The following PCDH15 variants were observed in gnomAD, a reference collection of about 807,000 sequenced individuals.
PCDH15 encodes protocadherin-15.
Under a neutral mutation model 178.5 loss-of-function variants are expected in PCDH15, and 129 were observed. That is an observed-to-expected ratio of 0.72 (90% CI 0.63 to 0.84). The LOEUF (loss-of-function observed/expected upper bound fraction) is 0.84, where lower values mean the gene tolerates loss of function less well. Ranked by LOEUF, PCDH15 falls within the 40% of genes least tolerant of loss-of-function variation. The pLI is 0.00. For missense variants in PCDH15, 2,230 were observed against 2,099.9 expected, an observed-to-expected ratio of 1.06 and a Z score of -1.21; for synonymous variants, 800 against 732.0, an observed-to-expected ratio of 1.09 and a Z score of -1.50.
chr10:55,286,022 G>A (rs1311758881), intron 1 of PCDH15, among the ~76,000 whole-genome samples: 4 of 151,838 alleles, frequency 2.6e-5, no homozygotes, highest in African/African-American at 9.7e-5. Context: ...AACAATAACA[G>A]CTGTGATGAT....
At chr10:54,964,401 T>A (rs1022236412) in intron 2 of PCDH15, among the ~76,000 whole-genome samples, 10 of 152,214 alleles carry the variant, frequency 6.6e-5, no homozygotes, top group African/African-American at 2.2e-4. Context: ...TCACTTTTCA[T>A]ATAATTATCC....
intron 25 of PCDH15, among the ~76,000 whole-genome samples, chr10:53,921,939 T>C (rs115738583): frequency 1.2e-3 from 183 of 152,326 alleles, no homozygotes; most frequent in African/African-American, 3.9e-3. Context: ...CAAAAGACAT[T>C]ATGAAATGTA....
chr10:54,706,854 C>A (rs529796046), intron 1 of PCDH15, among the ~76,000 whole-genome samples: 1 of 152,254 alleles, frequency 6.6e-6, no homozygotes, highest in African/African-American at 2.4e-5. Context: ...CACTCCTGAC[C>A]TTAGTGATCT....
chr10:55,272,837 T>TC (rs1284771093), intron 1 of PCDH15, among the ~76,000 whole-genome samples: 4 of 151,928 alleles, frequency 2.6e-5, no homozygotes. Flanking sequence ...CAATTCCTTC[T>TC]CCCCCCAGCC....
At chr10:54,713,097 A>G (rs755046640) in intron 1 of PCDH15, among the ~76,000 whole-genome samples, 11 of 152,054 alleles carry the variant, frequency 7.2e-5, no homozygotes, top group Non-Finnish European at 1.6e-4. Flanking sequence ...ACATTCCTTC[A>G]ATGCCTTGGC....
At position 54,132,840 on chromosome 10, in the gene PCDH15, TACAC is replaced by T. The variant is rs5785040; in HGVS notation, c.1917+31_1917+34del. ...GCCAAGCTTGTCACTTTAGAATTTATACACACACACACACACACACACCAAGGAA... is the reference window on the plus strand; with the variant it reads ...GCCAAGCTTGTCACTTTAGAATTTATACACACACACACACACACCAAGGAA... On this transcript the variant is annotated intron_variant, in intron 15 of 37. Transcript: ENST00000644397. 1.5e-5 allele frequency: 23 copies of T among 1,494,862 alleles called. No individual in the cohort carries two copies. The East Asian group carries it at 2.8e-4, about 18-fold the overall frequency. The allele number at this position is 1,494,862 out of a possible 1,614,324, so 92.6% of individuals were successfully genotyped here.
At chr10:54,913,399 G>A (rs529206539) in intron 2 of PCDH15, among the ~76,000 whole-genome samples, 8 of 152,190 alleles carry the variant, frequency 5.3e-5, no homozygotes, top group Non-Finnish European at 8.8e-5. Flanking sequence ...TGTGCAGAGG[G>A]CAAGACTTGA....
At chr10:54,218,334 T>C (rs1333460056) in intron 9 of PCDH15, among the ~76,000 whole-genome samples, 1 of 152,166 alleles carries the variant, frequency 6.6e-6, no homozygotes. Context: ...GAAGAATTAA[T>C]TCAACATCAT....
rs140296863 is a variant in PCDH15, at chr10:54,410,394, C to T, written c.158-31452G>A. 1.8e-3 allele frequency among the ~76,000 whole-genome samples: 281 copies of T among 152,164 alleles called. 2 individuals carry two copies. The highest frequency in any genetic ancestry group is 6.8e-3 in the Middle Eastern group (2 of 294). ...ATCATGGTTTTGAATTCAGCCATGG[C>T]TTTTAATTTATTTCTTTTAGACTTT... On this transcript the variant is annotated intron_variant, in intron 3 of 37. Coordinates refer to ENST00000644397, the MANE Select transcript of PCDH15 (RefSeq NM_001384140.1).
At chr10:54,770,859 T>C (rs888041610) in intron 1 of PCDH15, among the ~76,000 whole-genome samples, 3 of 151,968 alleles carry the variant, frequency 2.0e-5, no homozygotes, top group Non-Finnish European at 2.9e-5. Flanking sequence ...CCTTCCTGAG[T>C]TTTGATTGTT....
At chr10:55,058,075 T>C (rs1357566843) in intron 2 of PCDH15, among the ~76,000 whole-genome samples, 1 of 152,206 alleles carries the variant, frequency 6.6e-6, no homozygotes, top group Non-Finnish European at 1.5e-5. Flanking sequence ...AGTGTCTTAA[T>C]AATTATGAAA....
At chr10:55,460,737 T>C (rs545656132) in intron 2 of PCDH15, among the ~76,000 whole-genome samples, 1 of 152,274 alleles carries the variant, frequency 6.6e-6, no homozygotes, top group East Asian at 1.9e-4. Flanking sequence ...TTATGGGTCA[T>C]ATGTTCCTGC....
intron 7 of PCDH15, among the ~76,000 whole-genome samples, chr10:54,319,715 ATT>A (rs200357332): frequency 5.5e-4 from 83 of 149,552 alleles, no homozygotes; most frequent in African/African-American, 1.7e-3. Context: ...ACAGACCTGT[ATT>A]TTTTTTTTTT....
intron 10 of PCDH15, among the ~76,000 whole-genome samples, chr10:54,210,707 G>C (rs181065571): frequency 1.4e-3 from 215 of 152,010 alleles, no homozygotes; most frequent in African/African-American, 4.7e-3. Flanking sequence ...ACTGGAAGCG[G>C]TTTAGTATGT....
intron 21 of PCDH15, among the ~76,000 whole-genome samples, chr10:53,967,035 C>T (rs998939646): frequency 2.0e-5 from 3 of 152,014 alleles, no homozygotes; most frequent in Non-Finnish European, 4.4e-5. Context: ...TATGGTTTGG[C>T]TTTGTCTCCA....
chr10:55,045,550 G>T (rs1302739463), intron 2 of PCDH15, among the ~76,000 whole-genome samples: 1 of 152,038 alleles, frequency 6.6e-6, no homozygotes, highest in South Asian at 2.1e-4. Flanking sequence ...TGTTTCATAT[G>T]TTATTCTTGT....
intron 23 of PCDH15, among the ~76,000 whole-genome samples, chr10:53,947,021 C>A (rs892375167): frequency 6.6e-5 from 10 of 152,144 alleles, no homozygotes; most frequent in African/African-American, 2.4e-4. Flanking sequence ...CATGATCCAC[C>A]CATCTCGGCC....
At chr10:54,087,911 C>A (rs1027692588) in intron 16 of PCDH15, among the ~76,000 whole-genome samples, 1 of 152,092 alleles carries the variant, frequency 6.6e-6, no homozygotes, top group African/African-American at 2.4e-5. Flanking sequence ...TTTAAAAGTG[C>A]GTGGCACTTC....
At chr10:54,644,197 A>G (rs1396088969) in intron 2 of PCDH15, among the ~76,000 whole-genome samples, 1 of 150,702 alleles carries the variant, frequency 6.6e-6, no homozygotes, top group Non-Finnish European at 1.5e-5. Context: ...TATGTGCCAC[A>G]TTTTCTTAAT....
Sources: gnomAD v4.1 joint callset for allele counts (sites outside exome capture counted in the v4.1 genomes callset) on GRCh38, gnomAD v4.1.1 for gene constraint, MANE v1.5 for transcripts, NCBI Gene and HGNC (gene_info 2026-07-23, HGNC 2026-07-21) for gene names.